The following DLG2 variants were observed in gnomAD, a reference collection of about 807,000 sequenced individuals.
The protein encoded by DLG2 is disks large homolog 2.
A neutral mutation model predicts 132.5 loss-of-function variants in DLG2; 45 were observed. The ratio of observed to expected loss-of-function variants is 0.34; its 90% CI spans 0.27 to 0.44. The LOEUF (loss-of-function observed/expected upper bound fraction) is 0.44. Ranked by LOEUF, DLG2 falls within the 20% of genes least tolerant of loss-of-function variation. The pLI is 1.00. For missense variants in DLG2, 1,045 were observed against 1,196.9 expected, an observed-to-expected ratio of 0.87 and a Z score of 1.87; for synonymous variants, 424 against 419.6, an observed-to-expected ratio of 1.01 and a Z score of -0.13.
chr11:84,986,334 C>A (rs1373774011), intron 6 of DLG2, among the ~76,000 whole-genome samples: 5 of 152,100 alleles, frequency 3.3e-5, no homozygotes, highest in African/African-American at 1.2e-4. Context: ...CAGATGGATT[C>A]ACAGCAGAAT....
At chr11:84,401,953 G>C (rs1378959695) in intron 7 of DLG2, among the ~76,000 whole-genome samples, 1 of 152,146 alleles carries the variant, frequency 6.6e-6, no homozygotes, top group Non-Finnish European at 1.5e-5. Flanking sequence ...TATAGAAACT[G>C]ATATGAATTT....
At chr11:85,371,357 A>G (rs1314676456) in intron 3 of DLG2, among the ~76,000 whole-genome samples, 3 of 152,188 alleles carry the variant, frequency 2.0e-5, no homozygotes, top group African/African-American at 7.2e-5. Flanking sequence ...ACGGCCTTTA[A>G]TAATTGAGTA....
intron 21 of DLG2, 24 bp downstream of exon 21, chr11:83,532,684 A>C (rs533716845): frequency 6.2e-7 from 1 of 1,605,876 alleles, no homozygotes; most frequent in East Asian, 2.2e-5. Flanking sequence ...AGAGAACTTG[A>C]TGTTTCCATC....
intron 6 of DLG2, among the ~76,000 whole-genome samples, chr11:84,910,857 G>T (rs1488577899): frequency 6.6e-6 from 1 of 152,082 alleles, no homozygotes; most frequent in Non-Finnish European, 1.5e-5. Context: ...CAAAACAAGG[G>T]ATATACTAGT....
intron 11 of DLG2, among the ~76,000 whole-genome samples, chr11:84,037,784 C>A (rs2095908360): frequency 6.6e-6 from 1 of 152,022 alleles, no homozygotes; most frequent in Non-Finnish European, 1.5e-5. Flanking sequence ...TTTCTCCATG[C>A]ATTTTTAACA....
chr11:84,136,403 T>C (rs1385680316), intron 9 of DLG2, among the ~76,000 whole-genome samples: 1 of 152,180 alleles, frequency 6.6e-6, no homozygotes, highest in Non-Finnish European at 1.5e-5. Context: ...ATGCTTGTTT[T>C]TTGTGGAATT....
At chr11:84,741,445 C>T (rs2064656968) in intron 6 of DLG2, among the ~76,000 whole-genome samples, 1 of 152,020 alleles carries the variant, frequency 6.6e-6, no homozygotes, top group African/African-American at 2.4e-5. Flanking sequence ...TATACACGTA[C>T]CCTTGATCTA....
At chr11:84,751,949 GTGT>G (rs2066167214) in intron 6 of DLG2, among the ~76,000 whole-genome samples, 1 of 152,148 alleles carries the variant, frequency 6.6e-6, no homozygotes, top group African/African-American at 2.4e-5. Flanking sequence ...TTCTTAGCAA[GTGT>G]TGTACTATTT....
At chr11:84,950,810 C>A (rs1267306484) in intron 6 of DLG2, among the ~76,000 whole-genome samples, 5 of 151,874 alleles carry the variant, frequency 3.3e-5, no homozygotes, top group Admixed American at 3.3e-4. Context: ...ACACATATAA[C>A]CCCAAAGCTT....
chr11:83,753,866 C>G (rs372298405), intron 18 of DLG2, among the ~76,000 whole-genome samples: 1 of 29,072 alleles, frequency 3.4e-5, no homozygotes, highest in African/African-American at 3.9e-4. Flanking sequence ...ATATATATTT[C>G]ATATATATGA....
intron 3 of DLG2, among the ~76,000 whole-genome samples, chr11:85,392,055 G>A (rs1012879417): frequency 3.3e-5 from 5 of 151,930 alleles, no homozygotes; most frequent in Admixed American, 3.3e-4. Flanking sequence ...ACTCCTCCAG[G>A]AAGCTCCTAG....
chr11:85,165,506 C>T (rs2078373764), intron 4 of DLG2, among the ~76,000 whole-genome samples: 1 of 152,196 alleles, frequency 6.6e-6, no homozygotes, highest in African/African-American at 2.4e-5. Flanking sequence ...ATAAGAATGT[C>T]TCCTCTGTTT....
intron 7 of DLG2, among the ~76,000 whole-genome samples, chr11:84,349,768 G>C (rs2154411257): frequency 6.6e-6 from 1 of 152,200 alleles, no homozygotes; most frequent in South Asian, 2.1e-4. Context: ...GTCACTTTTG[G>C]CAGAGAGGAT....
chr11:83,455,086 C>G (rs1407620836), downstream of DLG2: 2 of 152,510 alleles, frequency 1.3e-5, no homozygotes, highest in African/African-American at 4.8e-5. Context: ...AACACTCTAT[C>G]AGGCATTTTT....
chr11:84,679,329 A>G (rs1034648571), intron 6 of DLG2, among the ~76,000 whole-genome samples: 2 of 152,084 alleles, frequency 1.3e-5, no homozygotes, highest in Non-Finnish European at 2.9e-5. Context: ...GTCAATATAT[A>G]GAGATTTTCA....
intron 19 of DLG2, among the ~76,000 whole-genome samples, chr11:83,619,871 T>G (rs2061371714): frequency 8.1e-6 from 1 of 124,148 alleles, no homozygotes; most frequent in Non-Finnish European, 1.7e-5. Flanking sequence ...CTAGGAACCC[T>G]CATTAACAGA....
At chr11:84,257,237 T>C (rs1379570258) in intron 7 of DLG2, among the ~76,000 whole-genome samples, 2 of 152,152 alleles carry the variant, frequency 1.3e-5, no homozygotes, top group Non-Finnish European at 2.9e-5. Context: ...AGTTCTCCAT[T>C]GGAACGAAAC....
At chr11:84,843,971 T>C (rs977029802) in intron 6 of DLG2, among the ~76,000 whole-genome samples, 8 of 150,474 alleles carry the variant, frequency 5.3e-5, no homozygotes, top group African/African-American at 1.7e-4. Context: ...CCCCATTATA[T>C]GTAATAGATA....
chr11:83,467,796 T>C (rs1231440788), intron 25 of DLG2, among the ~76,000 whole-genome samples: 1 of 105,398 alleles, frequency 9.5e-6, no homozygotes, highest in Non-Finnish European at 1.9e-5. Context: ...TATATATATA[T>C]ATATATATAT....
Sources: gnomAD v4.1 joint callset for allele counts (sites outside exome capture counted in the v4.1 genomes callset) on GRCh38, gnomAD v4.1.1 for gene constraint, MANE v1.5 for transcripts, NCBI Gene and HGNC (gene_info 2026-07-23, HGNC 2026-07-21) for gene names.